PFKL: variants seen among roughly 807,000 people sequenced by gnomAD.
PFKL encodes ATP-dependent 6-phosphofructokinase, liver type.
In PFKL, 74 loss-of-function variants were observed where a neutral mutation model predicts 92.1. That is an observed-to-expected ratio of 0.80 (90% confidence interval 0.67 to 0.97). The LOEUF is 0.97. Among genes scored for constraint, PFKL ranks in the 50% least tolerant of loss-of-function variants. The probability of loss-of-function intolerance (pLI) is 0.00; values close to 1 mark genes in which losing one functional copy is unlikely to be tolerated. For missense variants in PFKL, 1,028 were observed against 1,116.6 expected (o/e 0.92, Z 1.13); for synonymous variants, 494 against 456.4 (o/e 1.08, Z -1.05).
At position 44,316,089 on chromosome 21, in the gene PFKL, C is replaced by T. The variant is rs949780191; in HGVS notation, c.748-155C>T. On this transcript the variant is annotated intron_variant, in intron 7 of 21. Coordinates refer to ENST00000349048, the MANE Select transcript of PFKL (RefSeq NM_002626.6). ...GCCCAGCCTCATCTCTGCCCTCGCG[C>T]TCCAGGCCTGCTTTCCTCCTGCTGG... 13 of 685,734 alleles carry T rather than the reference C, an allele frequency of 1.9e-5. No individual in the cohort carries two copies. The East Asian group carries it at 3.0e-4, about 16-fold the overall frequency. 42.5% of individuals were successfully genotyped at this position (685,734 alleles called of 1,614,324 possible).
Position 44,326,909 on chromosome 21 carries a change from C to T in PFKL, c.*47C>T. The T allele has an allele frequency of 6.5e-7, 1 of 1,538,830 alleles. No homozygotes were observed. Among genetic ancestry groups the T allele is most frequent in the Non-Finnish European group, 8.9e-7 (1 of 1,129,702 alleles). ...TCCCCAGCCCCCACCCATGCCAGCG[C>T]AGCGCCAGGGCTCAGATGGGGCCTG... On this transcript the variant is annotated 3_prime_UTR_variant, in exon 22 of 22. Coordinates refer to ENST00000349048, the MANE Select transcript of PFKL (RefSeq NM_002626.6).
intron 7 of PFKL, chr21:44,314,352 T>C (rs1288586929): frequency 1.3e-5 from 4 of 307,830 alleles, no homozygotes; most frequent in Non-Finnish European, 2.4e-5. Context: ...TGGGAGGTGG[T>C]TGGTTGTGAG....
At chr21:44,305,808 C>G in intron 1 of PFKL, 1 of 1,366,898 alleles carries the variant, frequency 7.3e-7, no homozygotes, top group Non-Finnish European at 9.8e-7. Flanking sequence ...AGGAAACTGG[C>G]TTTGCCAAGG....
intron 2 of PFKL, among the ~76,000 whole-genome samples, chr21:44,310,012 C>T (rs1366546884): frequency 1.3e-5 from 2 of 152,244 alleles, no homozygotes; most frequent in Admixed American, 6.5e-5. Context: ...GGGGAGAAGG[C>T]GGAGGGAGGA....
At chr21:44,311,200 GCAGA>G in intron 3 of PFKL, 117 bp downstream of exon 3, 2 of 725,502 alleles carry the variant, frequency 2.8e-6, no homozygotes, top group Non-Finnish European at 4.6e-6. Flanking sequence ...ACACACACAT[GCAGA>G]CACACAGACA....
intron 1 of PFKL, among the ~76,000 whole-genome samples, chr21:44,302,395 G>A (rs1460463325): frequency 6.6e-6 from 1 of 152,236 alleles, no homozygotes; most frequent in Non-Finnish European, 1.5e-5. Flanking sequence ...AGGATGGGAG[G>A]AACTGACATT....
chr21:44,322,080 G>A (rs1314590394), intron 13 of PFKL, 53 bp from the exon 14 acceptor site: 3 of 1,558,186 alleles, frequency 1.9e-6, no homozygotes, highest in Non-Finnish European at 2.6e-6. Context: ...ACCCCTGGGG[G>A]GAATTGGCCA....
chr21:44,320,411 C>G, intron 12 of PFKL: 1 of 402,324 alleles, frequency 2.5e-6, no homozygotes, highest in Non-Finnish European at 4.6e-6. Context: ...ACAGGCTTAA[C>G]TCAGGAGAGG....
intron 1 of PFKL, among the ~76,000 whole-genome samples, chr21:44,302,797 C>G (rs1216061706): frequency 6.6e-6 from 1 of 152,220 alleles, no homozygotes; most frequent in Non-Finnish European, 1.5e-5. Context: ...CTTGCAAGTT[C>G]CTTCCAGCCA....
intron 1 of PFKL, among the ~76,000 whole-genome samples, chr21:44,303,442 A>AAAAAAAAAAAGACTTGATCG (rs2040835470): frequency 2.1e-5 from 3 of 144,650 alleles, no homozygotes; most frequent in African/African-American, 5.3e-5. Flanking sequence ...CCAAAAAAAA[A>AAAAAAAAAAAGACTTGATCG]AAAAAAAAAA....
chr21:44,311,557 G>A (rs1336640480), intron 3 of PFKL, among the ~76,000 whole-genome samples: 1 of 152,220 alleles, frequency 6.6e-6, no homozygotes, highest in Non-Finnish European at 1.5e-5. Context: ...CCATCGCACA[G>A]GGACTCAGGT....
chr21:44,304,274 G>A lies in PFKL; in HGVS notation c.86-2407G>A, dbSNP rs189992866. On this transcript the variant is annotated intron_variant, in intron 1 of 21. Transcript: ENST00000349048. ...TCCTGGGGCCCCTTTGCCGTTCCCA[G>A]GTCCCCTGACAAGCCCACCAGGCCC... 83 of 1,289,162 alleles carry A rather than the reference G, an allele frequency of 6.4e-5. No homozygotes were observed. The African/African-American group carries it at 1.1e-3, about 17-fold the overall frequency. The allele number at this position is 1,289,162 out of a possible 1,614,324, so 79.9% of individuals were successfully genotyped here.
intron 13 of PFKL, 84 bp downstream of exon 13, chr21:44,321,959 G>A: frequency 6.7e-7 from 1 of 1,496,318 alleles, no homozygotes; most frequent in Admixed American, 2.2e-5. Flanking sequence ...GCCGGCTGCT[G>A]GAGGTGGAGG....
At chr21:44,316,593 A>G in intron 9 of PFKL, 69 bp downstream of exon 9, 1 of 1,218,020 alleles carries the variant, frequency 8.2e-7, no homozygotes, top group South Asian at 1.4e-5. Flanking sequence ...GGGTGTGGGC[A>G]GTGTGCACGC....
intron 14 of PFKL, 82 bp from the exon 15 acceptor site, chr21:44,322,880 C>T: frequency 1.0e-6 from 1 of 987,426 alleles, no homozygotes; most frequent in Non-Finnish European, 1.5e-6. Flanking sequence ...ACGGCCAAGG[C>T]AATGCCTTTC....
Position 44,324,851 on chromosome 21 carries a change from C to A in PFKL, c.1816-5C>A. 6.2e-7 allele frequency: 1 copy of A among 1,606,396 alleles called. No individual in the cohort carries two copies. The highest frequency in any genetic ancestry group is 2.2e-5 in the East Asian group (1 of 44,456). ...CCGGCTCATCCGTGTCCGCCCCTCC[C>A]GCAGGTCAACGTGGAGCACATGACG... On this transcript the variant is annotated splice_polypyrimidine_tract_variant and splice_region_variant and intron_variant, in intron 17 of 21. Coordinates refer to ENST00000349048, the MANE Select transcript of PFKL (RefSeq NM_002626.6).
At chr21:44,320,222 G>A in intron 12 of PFKL, 75 bp downstream of exon 12, 1 of 1,351,218 alleles carries the variant, frequency 7.4e-7, no homozygotes, top group Non-Finnish European at 1.1e-6. Flanking sequence ...CTGGCCCCGT[G>A]GCTGGGCCTG....
Position 44,322,163 on chromosome 21 carries a change from G to T in PFKL, c.1369G>T (p.Gly457Cys). The T allele has an allele frequency of 6.2e-7, 1 of 1,605,618 alleles. No individual in the cohort carries two copies. The change falls in exon 14 of 22, where the codon GGC becomes TGC. Residue 457 changes from glycine to cysteine, a missense_variant. Physicochemically the swap from Gly to Cys is radical, Grantham distance 159 (BLOSUM62 -3). Coordinates refer to ENST00000349048, the MANE Select transcript of PFKL (RefSeq NM_002626.6). ...VQEVGWHDVA[G>C]WLGRGGSMLG... is the part of the protein sequence containing the mutation. ...AGAAGTAGGCTGGCACGACGTGGCCGGCTGGTTGGGGCGTGGTGGCTCCAT... is the reference window on the plus strand; with the variant it reads ...AGAAGTAGGCTGGCACGACGTGGCCTGCTGGTTGGGGCGTGGTGGCTCCAT...
At chr21:44,319,944 G>A (rs1432864100) in intron 11 of PFKL, 140 bp from the exon 12 acceptor site, 21 of 715,202 alleles carry the variant, frequency 2.9e-5, no homozygotes, top group African/African-American at 5.2e-5. Context: ...CCTGGCATGC[G>A]CGGTGTCTGC....
Sources: allele counts gnomAD v4.1 joint callset (sites outside exome capture counted in the v4.1 genomes callset), GRCh38; gene constraint gnomAD v4.1.1; transcripts MANE v1.5; gene names NCBI Gene and HGNC (gene_info 2026-07-23, HGNC 2026-07-21).